Variants in TP53BP1 observed in about 807,000 individuals in gnomAD.
TP53BP1 encodes TP53-binding protein 1.
In TP53BP1, 61 loss-of-function variants were observed where a neutral mutation model predicts 200.8. The observed-to-expected ratio is 0.30, with a 90% confidence interval of 0.25 to 0.38. The LOEUF is 0.38. TP53BP1 is among the 10% of genes least tolerant of loss of function. The probability of loss-of-function intolerance (pLI) is 1.00; values close to 1 mark genes in which losing one functional copy is unlikely to be tolerated. For synonymous variants in TP53BP1, 822 were observed against 844.3 expected, an observed-to-expected ratio of 0.97 and a Z score of 0.46; for missense variants, 2,144 against 2,371.9, an observed-to-expected ratio of 0.90 and a Z score of 2.00.
chr15:43,426,919 G>A (rs1032652822), intron 18 of TP53BP1, among the ~76,000 whole-genome samples: 1 of 150,590 alleles, frequency 6.6e-6, no homozygotes, highest in Non-Finnish European at 1.5e-5. Flanking sequence ...TTGGGAGGCC[G>A]AGCCAGGAAA....
chr15:43,474,162 G>T (rs1022841698), intron 10 of TP53BP1, among the ~76,000 whole-genome samples: 2 of 152,172 alleles, frequency 1.3e-5, no homozygotes, highest in African/African-American at 4.8e-5. Context: ...AGGGCCGGCC[G>T]GCTGCTCCGA....
Position 43,477,719 on chromosome 15 carries a change from C to A in TP53BP1, c.829G>T (p.Ala277Ser). 1.2e-6 allele frequency: 2 copies of A among 1,612,368 alleles called. No individual in the cohort carries two copies. The highest frequency in any genetic ancestry group is 1.7e-6 in the Non-Finnish European group (2 of 1,179,354). ...GACAACTGTTCTTTTGCTTCCATAG[C>A]AGCAACAGATGCTTTGGGGCTAAAA... The part of the protein sequence containing the change: ...MPFSPKASVA[A>S]MEAKEQLSAQ... The change falls in exon 8 of 28, where the codon GCT becomes TCT. Residue 277 changes from alanine to serine, a missense_variant. Around this residue, in one of 4 missense-constraint regions of TP53BP1, gnomAD observed 1,700 missense variants for 1,710.3 expected, o/e 0.99. Coordinates refer to ENST00000382044, the MANE Select transcript of TP53BP1 (RefSeq NM_001141980.3).
At chr15:43,503,171 G>A (rs190244569) in intron 1 of TP53BP1, among the ~76,000 whole-genome samples, 148 of 152,380 alleles carry the variant, frequency 9.7e-4, no homozygotes, top group Admixed American at 2.9e-3. Flanking sequence ...GCGCGCATGC[G>A]CGGGTGTGTG....
chr15:43,485,757 C>T (rs1045192301), intron 4 of TP53BP1, among the ~76,000 whole-genome samples: 4 of 149,848 alleles, frequency 2.7e-5, no homozygotes, highest in Non-Finnish European at 5.9e-5. Flanking sequence ...GGACAAGGAT[C>T]GCTTGAACTC....
Position 43,404,726 on chromosome 15 carries a change from G to C in TP53BP1, c.*2657C>G. ...TTTTAATGGAGGTTATTTTCTAGTA[G>C]AAGTCATCATCATCATAAAATACTA... On this transcript the variant is annotated 3_prime_UTR_variant, in exon 28 of 28. Coordinates refer to ENST00000382044, the MANE Select transcript of TP53BP1 (RefSeq NM_001141980.3). 2 of 697,052 alleles carry C rather than the reference G, an allele frequency of 2.9e-6. No homozygotes were observed. Among genetic ancestry groups the C allele is most frequent in the Non-Finnish European group, 4.6e-6 (2 of 434,872 alleles). 43.2% of individuals were successfully genotyped at this position (697,052 alleles called of 1,614,324 possible).
At chr15:43,482,723 A>G (rs373017098) in intron 4 of TP53BP1, among the ~76,000 whole-genome samples, 10 of 151,924 alleles carry the variant, frequency 6.6e-5, no homozygotes, top group African/African-American at 2.4e-4. Flanking sequence ...AGCCAAGATC[A>G]CGCTACTGCA....
chr15:43,464,358 GA>G (rs2046513370), intron 11 of TP53BP1, among the ~76,000 whole-genome samples: 1 of 152,020 alleles, frequency 6.6e-6, no homozygotes, highest in African/African-American at 2.4e-5. Context: ...TCTGAAAAAA[GA>G]ATTTAGAAAT....
chr15:43,422,934 C>G (rs1430389863), intron 18 of TP53BP1, among the ~76,000 whole-genome samples: 1 of 151,596 alleles, frequency 6.6e-6, no homozygotes, highest in Non-Finnish European at 1.5e-5. Flanking sequence ...GTCAAGGCTG[C>G]AGTGAGCCGG....
At chr15:43,434,359 TA>T (rs1265586477) in intron 16 of TP53BP1, among the ~76,000 whole-genome samples, 1 of 152,188 alleles carries the variant, frequency 6.6e-6, no homozygotes, top group Non-Finnish European at 1.5e-5. Context: ...TTAAGACATC[TA>T]ACATACCAAT....
In TP53BP1 at chr15:43,403,281, A is replaced by T. The variant is rs1026410984; in HGVS notation, c.*4102T>A. 6.2e-6 allele frequency: 1 copy of T among 161,116 alleles called. No homozygotes were observed. Among genetic ancestry groups the T allele is most frequent in the South Asian group, 1.8e-4 (1 of 5,428 alleles). 10.0% of individuals were successfully genotyped at this position (161,116 alleles called of 1,614,324 possible). A position where few individuals can be genotyped will look rare whatever the true frequency, so the allele number is the denominator to read the frequency against. Reference sequence around the variant, plus strand: ...ATAAAGAAGCAAGAAACGAGGGTTCACTAAAGGCTATAGTGGGGAAGGGAG... The same window carrying T: ...ATAAAGAAGCAAGAAACGAGGGTTCTCTAAAGGCTATAGTGGGGAAGGGAG... On this transcript the variant is annotated 3_prime_UTR_variant, in exon 28 of 28. Coordinates refer to ENST00000382044, the MANE Select transcript of TP53BP1 (RefSeq NM_001141980.3).
chr15:43,435,233 C>A (rs149973683), intron 16 of TP53BP1, among the ~76,000 whole-genome samples: 1,840 of 128,912 alleles, frequency 0.014, 15 homozygotes, highest in Middle Eastern at 0.082. Context: ...ACTGCACTTC[C>A]AGCCTGGGTG....
chr15:43,447,446 A>G lies in TP53BP1; in HGVS notation c.2756T>C (p.Ile919Thr), dbSNP rs760529303. The G allele has an allele frequency of 1.8e-5, 28 of 1,574,530 alleles. No homozygotes were observed. The highest frequency in any genetic ancestry group is 2.2e-5 in the Non-Finnish European group (26 of 1,162,992). ...FHFTLPKEGD[I>T]IPPLTGATPP... ...GGTTGCACCAGTCAATGGTGGGATGATATCACCTTCTTTAGGCAAAGTGAA... is the reference window on the plus strand; with the variant it reads ...GGTTGCACCAGTCAATGGTGGGATGGTATCACCTTCTTTAGGCAAAGTGAA... The change falls in exon 13 of 28, where the codon ATC (isoleucine) becomes ACC (threonine). Residue 919 changes from isoleucine (I) to threonine (T), a missense_variant. This residue lies in a region of TP53BP1 where 1,700 missense variants were observed against 1,710.3 expected (regional missense o/e 0.99). Transcript: ENST00000382044.
At position 43,432,538 on chromosome 15, in the gene TP53BP1, T is replaced by G; in HGVS notation, c.3331A>C (p.Lys1111Gln). 6.2e-7 allele frequency: 1 copy of G among 1,614,208 alleles called. No homozygotes were observed. The highest frequency in any genetic ancestry group is 8.5e-7 in the Non-Finnish European group (1 of 1,180,034). Reference protein sequence around the residue: ...VKDPVSPASQKMVIQGPSSPQ... With the variant: ...VKDPVSPASQQMVIQGPSSPQ... Reference sequence around the variant, plus strand: ...CTGGATGGCCCTTGTATGACCATCTTCTGGGAAGCAGGAGAAACAGGGTCC... The same window carrying G: ...CTGGATGGCCCTTGTATGACCATCTGCTGGGAAGCAGGAGAAACAGGGTCC... Residue 1111 changes from lysine (K) to glutamine (Q), a missense_variant, in exon 17 of 28, where the codon AAG becomes CAG. Transcript: ENST00000382044.
chr15:43,498,549 G>T (rs1008908379), intron 1 of TP53BP1, among the ~76,000 whole-genome samples: 1 of 152,170 alleles, frequency 6.6e-6, no homozygotes, highest in Non-Finnish European at 1.5e-5. Flanking sequence ...GAGAGAGAGA[G>T]AAAGAAGTGC....
At chr15:43,473,074 G>A (rs1186697226) in intron 10 of TP53BP1, among the ~76,000 whole-genome samples, 3 of 152,070 alleles carry the variant, frequency 2.0e-5, no homozygotes, top group African/African-American at 7.2e-5. Context: ...AAGGCAGCGC[G>A]TCTAGAGTTG....
chr15:43,413,101 G>C lies in TP53BP1; in HGVS notation c.5305+18C>G, dbSNP rs764443583. On this transcript the variant is annotated intron_variant, in intron 24 of 27. Transcript: ENST00000382044. ...AGTGCCTATGTGTCAGAGCTCCCAG[G>C]GCTTCCTAAGGCCTTACCCTCCTCT... 1 of 1,613,138 alleles carries C rather than the reference G, an allele frequency of 6.2e-7. No homozygotes were observed. Among genetic ancestry groups the C allele is most frequent in the Admixed American group, 1.7e-5 (1 of 60,004 alleles).
At chr15:43,437,396 G>A (rs2045823637) in intron 16 of TP53BP1, among the ~76,000 whole-genome samples, 2 of 152,142 alleles carry the variant, frequency 1.3e-5, no homozygotes, top group East Asian at 1.9e-4. Context: ...ACTTCTGGAC[G>A]CCAAGGTGGG....
chr15:43,455,185 C>T (rs1566944143), intron 12 of TP53BP1, among the ~76,000 whole-genome samples: 2 of 152,106 alleles, frequency 1.3e-5, no homozygotes, highest in Admixed American at 6.6e-5. Flanking sequence ...AAGGAAATAA[C>T]TAATTAATAG....
upstream of TP53BP1, among the ~76,000 whole-genome samples, chr15:43,494,737 A>T (rs1353065599): frequency 6.6e-6 from 1 of 152,196 alleles, no homozygotes; most frequent in Non-Finnish European, 1.5e-5. Flanking sequence ...GGCACAACCA[A>T]CCAGGTCCTG....
Sources: gnomAD v4.1 joint callset for allele counts (sites outside exome capture counted in the v4.1 genomes callset) on GRCh38, gnomAD v4.1.1 for gene constraint, gnomAD v4.1.1 regional missense constraint, MANE v1.5 for transcripts, NCBI Gene and HGNC (gene_info 2026-07-23, HGNC 2026-07-21) for gene names.